Variants in ARHGAP32 observed in about 807,000 individuals in gnomAD.
The protein encoded by ARHGAP32 is rho GTPase-activating protein 32.
ARHGAP32 carries 51 observed loss-of-function variants against 186.5 expected under a neutral mutation model. The ratio of observed to expected loss-of-function variants is 0.27; its 90% confidence interval spans 0.22 to 0.35. The LOEUF (loss-of-function observed/expected upper bound fraction) is 0.35. Ranked by LOEUF, ARHGAP32 falls within the 10% of genes least tolerant of loss-of-function variation. The pLI, the probability that ARHGAP32 is intolerant of heterozygous loss-of-function variation, is 1.00. For synonymous variants in ARHGAP32, 950 were observed against 964.3 expected, an observed-to-expected ratio of 0.99 and a Z score of 0.27; for missense variants, 2,186 against 2,623.5, an observed-to-expected ratio of 0.83 and a Z score of 3.64.
chr11:128,983,995 A>C (rs1945789705), intron 15 of ARHGAP32, among the ~76,000 whole-genome samples: 1 of 150,500 alleles, frequency 6.6e-6, no homozygotes, highest in Non-Finnish European at 1.5e-5. Flanking sequence ...GATTTCCAGA[A>C]TTTCACTGCC....
At chr11:129,169,081 T>A (rs1943699090) in intron 1 of ARHGAP32, among the ~76,000 whole-genome samples, 1 of 152,170 alleles carries the variant, frequency 6.6e-6, no homozygotes, top group Admixed American at 6.5e-5. Flanking sequence ...AATTACTACT[T>A]CTAAGCTTCT....
At chr11:129,178,598 T>C (rs963246213) in intron 1 of ARHGAP32, among the ~76,000 whole-genome samples, 23 of 151,608 alleles carry the variant, frequency 1.5e-4, no homozygotes, top group Admixed American at 3.3e-4. Flanking sequence ...AACAGAGATA[T>C]AGATCAATGG....
At chr11:129,061,054 A>G (rs1260339429) in intron 10 of ARHGAP32, among the ~76,000 whole-genome samples, 1 of 152,110 alleles carries the variant, frequency 6.6e-6, no homozygotes, top group Non-Finnish European at 1.5e-5. Flanking sequence ...TTGTATTATT[A>G]TGTTTTAATA....
chr11:129,029,694 C>T (rs577580434), intron 11 of ARHGAP32, among the ~76,000 whole-genome samples: 1 of 145,510 alleles, frequency 6.9e-6, no homozygotes, highest in Admixed American at 7.2e-5. Flanking sequence ...CCCAGCTACT[C>T]GGGAGGCTGA....
At chr11:129,109,231 T>C (rs1335903809) in intron 5 of ARHGAP32, among the ~76,000 whole-genome samples, 1 of 152,082 alleles carries the variant, frequency 6.6e-6, no homozygotes, top group African/African-American at 2.4e-5. Flanking sequence ...ATGACAGAAA[T>C]TTCATTCTTT....
intron 2 of ARHGAP32, among the ~76,000 whole-genome samples, chr11:129,162,365 A>C (rs1426490786): frequency 2.6e-5 from 4 of 152,208 alleles, no homozygotes; most frequent in Non-Finnish European, 5.9e-5. Context: ...GAAGCAAATC[A>C]ATAGTCACTT....
intron 1 of ARHGAP32, among the ~76,000 whole-genome samples, chr11:129,274,222 C>T (rs192503739): frequency 5.4e-4 from 82 of 152,314 alleles, no homozygotes; most frequent in African/African-American, 1.9e-3. Context: ...AAAATCCTTA[C>T]ACTTTACTAC....
intron 1 of ARHGAP32, among the ~76,000 whole-genome samples, chr11:129,264,804 T>A (rs959307105): frequency 6.6e-6 from 1 of 152,020 alleles, no homozygotes; most frequent in Admixed American, 6.6e-5. Flanking sequence ...TATAATGAGG[T>A]TCTGATCATG....
upstream of ARHGAP32, among the ~76,000 whole-genome samples, chr11:129,193,499 A>C (rs12798272): frequency 4.0e-4 from 26 of 64,360 alleles, no homozygotes; most frequent in African/African-American, 1.5e-3. Flanking sequence ...AAAAAAAAAA[A>C]ATATATATAT....
At chr11:129,087,500 T>C (rs1337937806) in intron 6 of ARHGAP32, among the ~76,000 whole-genome samples, 1 of 152,232 alleles carries the variant, frequency 6.6e-6, no homozygotes, top group Non-Finnish European at 1.5e-5. Flanking sequence ...CAAATGGCTA[T>C]ATACTGTATG....
intron 1 of ARHGAP32, among the ~76,000 whole-genome samples, chr11:129,266,576 T>C (rs1057467172): frequency 1.1e-4 from 16 of 152,176 alleles, no homozygotes; most frequent in African/African-American, 3.6e-4. Context: ...AAGCTCTAAC[T>C]AAAACATCAC....
upstream of ARHGAP32, chr11:129,279,406 C>T (rs1175292883): frequency 1.4e-5 from 2 of 145,964 alleles, no homozygotes; most frequent in African/African-American, 4.9e-5. Flanking sequence ...CTCCAAGTCC[C>T]CACCTCCGGC....
intron 6 of ARHGAP32, among the ~76,000 whole-genome samples, chr11:129,086,955 A>G (rs532073680): frequency 6.6e-6 from 1 of 152,248 alleles, no homozygotes; most frequent in Non-Finnish European, 1.5e-5. Context: ...ACATCTCACC[A>G]AAGAAGACAG....
chr11:129,193,608 AT>A (rs1479605511), upstream of ARHGAP32, among the ~76,000 whole-genome samples: 5 of 80,116 alleles, frequency 6.2e-5, no homozygotes, highest in Admixed American at 9.4e-4. Flanking sequence ...TATATAATAT[AT>A]AATATATGTT....
intron 1 of ARHGAP32, among the ~76,000 whole-genome samples, chr11:129,268,542 A>C (rs1233843207): frequency 1.3e-5 from 2 of 151,988 alleles, no homozygotes; most frequent in African/African-American, 4.8e-5. Flanking sequence ...ATATGAAGAT[A>C]TAGCTCTATA....
chr11:129,193,553 T>TATAATATATTATATA (rs1944316246), upstream of ARHGAP32, among the ~76,000 whole-genome samples: 10 of 14,280 alleles, frequency 7.0e-4, no homozygotes, highest in South Asian at 1.8e-3. Flanking sequence ...ATATATAATA[T>TATAATATATTATATA]ATATATATTA....
intron 1 of ARHGAP32, among the ~76,000 whole-genome samples, chr11:129,172,876 A>C (rs969044542): frequency 3.3e-5 from 5 of 152,054 alleles, no homozygotes; most frequent in African/African-American, 1.2e-4. Flanking sequence ...CGAACATCAC[A>C]ATTAAAAGAG....
chr11:129,093,806 G>A (rs929692748), intron 5 of ARHGAP32, 99 bp from the exon 6 acceptor site: 3 of 795,940 alleles, frequency 3.8e-6, no homozygotes, highest in Non-Finnish European at 4.2e-6. Flanking sequence ...ATCTCCGGGT[G>A]AGCATCAGCT....
chr11:129,150,054 C>T (rs1307793597), intron 2 of ARHGAP32, among the ~76,000 whole-genome samples: 1 of 148,200 alleles, frequency 6.7e-6, no homozygotes, highest in Non-Finnish European at 1.5e-5. Context: ...AAGTTCAGAG[C>T]TTGAAGAAAA....
Sources: allele counts gnomAD v4.1 joint callset (sites outside exome capture counted in the v4.1 genomes callset), GRCh38; gene constraint gnomAD v4.1.1; transcripts MANE v1.5; gene names NCBI Gene and HGNC (gene_info 2026-07-23, HGNC 2026-07-21).